GRID1: variants seen among roughly 807,000 people sequenced by gnomAD.
The protein encoded by GRID1 is glutamate ionotropic receptor delta type subunit 1.
A neutral mutation model predicts 98.0 loss-of-function variants in GRID1; 28 were observed. The observed-to-expected ratio is 0.29, with a 90% CI of 0.21 to 0.39. GRID1 has a LOEUF of 0.39. Among genes scored for constraint, GRID1 ranks in the 10% least tolerant of loss-of-function variants. GRID1 has a pLI of 1.00. For missense variants in GRID1, 1,111 were observed against 1,340.5 expected (o/e 0.83, Z 2.67); for synonymous variants, 553 against 538.5 (o/e 1.03, Z -0.37).
At chr10:85,983,034 T>C (rs1396226932) in intron 4 of GRID1, among the ~76,000 whole-genome samples, 2 of 152,198 alleles carry the variant, frequency 1.3e-5, no homozygotes, top group African/African-American at 4.8e-5. Context: ...AATTAGCCAA[T>C]TTGGGGCCCA....
In GRID1 at chr10:85,798,943, GT is replaced by G. The variant is rs1478538102; in HGVS notation, c.1233+55552del. On this transcript the variant is annotated intron_variant, in intron 8 of 15. Coordinates refer to ENST00000327946, the MANE Select transcript of GRID1 (RefSeq NM_017551.3). ...TTATTGCCTAGACCAATGTCATGAA[GT>G]GTTTCTCCCATATTTTTTTCTGGTA... 4.3e-3 allele frequency among the ~76,000 whole-genome samples: 654 copies of G among 152,068 alleles called. 6 individuals are homozygous for G. The highest frequency in any genetic ancestry group is 0.015 in the African/African-American group (613 of 41,502).
At chr10:85,750,493 T>C (rs1298587683) in intron 8 of GRID1, among the ~76,000 whole-genome samples, 4 of 152,210 alleles carry the variant, frequency 2.6e-5, no homozygotes, top group Non-Finnish European at 4.4e-5. Context: ...GAATAAGTAA[T>C]TAGCTAGCAA....
At chr10:86,264,366 G>C (rs1847070285) in intron 2 of GRID1, among the ~76,000 whole-genome samples, 1 of 152,162 alleles carries the variant, frequency 6.6e-6, no homozygotes, top group Non-Finnish European at 1.5e-5. Context: ...CCCTACATCT[G>C]TCTGCCCCTT....
intron 8 of GRID1, among the ~76,000 whole-genome samples, chr10:85,841,217 T>C (rs1303190121): frequency 6.6e-6 from 1 of 152,004 alleles, no homozygotes; most frequent in Non-Finnish European, 1.5e-5. Flanking sequence ...TCAACAAACC[T>C]GACAAAAACA....
intron 4 of GRID1, among the ~76,000 whole-genome samples, chr10:86,123,728 G>A (rs115389523): frequency 0.027 from 4,058 of 152,306 alleles, 202 homozygotes; most frequent in African/African-American, 0.092. Flanking sequence ...AAAGGGGCAC[G>A]TCCTCTCTCA....
intron 3 of GRID1, among the ~76,000 whole-genome samples, chr10:86,145,865 C>A (rs1309400373): frequency 6.6e-6 from 1 of 152,136 alleles, no homozygotes; most frequent in Non-Finnish European, 1.5e-5. Flanking sequence ...CGGGAACCTG[C>A]CTGAAGCCCG....
chr10:85,801,811 A>C (rs1287707003), intron 8 of GRID1, among the ~76,000 whole-genome samples: 2 of 151,942 alleles, frequency 1.3e-5, no homozygotes, highest in Non-Finnish European at 2.9e-5. Flanking sequence ...ATTATAGGGA[A>C]AAAAACCTAA....
Position 85,850,916 on chromosome 10 carries a change from C to T in GRID1, c.1233+3580G>A, listed in dbSNP as rs58256330. Among the ~76,000 whole-genome samples, 1,179 of 152,282 alleles carry T rather than the reference C, an allele frequency of 7.7e-3. 13 individuals carry two copies. Among genetic ancestry groups the T allele is most frequent in the African/African-American group, 0.027 (1,112 of 41,546 alleles). On this transcript the variant is annotated intron_variant, in intron 8 of 15. Coordinates refer to ENST00000327946, the MANE Select transcript of GRID1 (RefSeq NM_017551.3). ...AGGCCCAGGTCAATGAGACAACATA[C>T]GTACAATGCACTTTTGGATACTGTG...
At chr10:85,935,327 T>G (rs568542220) in intron 4 of GRID1, among the ~76,000 whole-genome samples, 1 of 152,256 alleles carries the variant, frequency 6.6e-6, no homozygotes, top group South Asian at 2.1e-4. Context: ...CTGAAGAAGG[T>G]AGAAAGCCTC....
intron 4 of GRID1, among the ~76,000 whole-genome samples, chr10:86,037,274 G>T (rs1015226586): frequency 6.6e-6 from 1 of 152,178 alleles, no homozygotes; most frequent in Non-Finnish European, 1.5e-5. Flanking sequence ...GTTACTTGAG[G>T]TGGTATGAAA....
intron 5 of GRID1, among the ~76,000 whole-genome samples, chr10:85,879,214 A>C (rs1293891417): frequency 2.6e-5 from 4 of 152,284 alleles, no homozygotes; most frequent in Admixed American, 6.5e-5. Context: ...CAGATCAACG[A>C]GACAGAAAGT....
chr10:85,798,186 A>C (rs1454772835), intron 8 of GRID1, among the ~76,000 whole-genome samples: 1 of 152,222 alleles, frequency 6.6e-6, no homozygotes, highest in Non-Finnish European at 1.5e-5. Context: ...AATCACAATA[A>C]ATATTATTGT....
chr10:86,097,868 A>G (rs1844243590), intron 4 of GRID1, among the ~76,000 whole-genome samples: 1 of 152,230 alleles, frequency 6.6e-6, no homozygotes, highest in Non-Finnish European at 1.5e-5. Flanking sequence ...GTTTTTCAAC[A>G]GAAGAAAAGC....
At chr10:86,185,183 T>C (rs1238510420) in intron 3 of GRID1, among the ~76,000 whole-genome samples, 1 of 152,140 alleles carries the variant, frequency 6.6e-6, no homozygotes, top group Non-Finnish European at 1.5e-5. Flanking sequence ...TAGTTTTCAG[T>C]GTACAGATCT....
intron 4 of GRID1, among the ~76,000 whole-genome samples, chr10:86,084,549 A>G (rs1564669984): frequency 6.6e-6 from 1 of 152,246 alleles, no homozygotes; most frequent in East Asian, 1.9e-4. Flanking sequence ...ACCCAAAATA[A>G]GTGAAAGCAG....
chr10:85,683,438 G>T (rs923482240), intron 12 of GRID1, among the ~76,000 whole-genome samples: 3 of 152,182 alleles, frequency 2.0e-5, no homozygotes, highest in Admixed American at 2.0e-4. Flanking sequence ...TACTGTTTTA[G>T]AGCTCTTAGA....
chr10:85,754,956 A>G (rs1026544874), intron 8 of GRID1, among the ~76,000 whole-genome samples: 2 of 152,094 alleles, frequency 1.3e-5, no homozygotes, highest in Non-Finnish European at 2.9e-5. Flanking sequence ...CATTGTTACA[A>G]TTTTTCTTAA....
At chr10:85,844,842 A>C (rs1470582145) in intron 8 of GRID1, among the ~76,000 whole-genome samples, 1 of 152,076 alleles carries the variant, frequency 6.6e-6, no homozygotes, top group African/African-American at 2.4e-5. Context: ...GCAAGAATAA[A>C]AATTATATAA....
intron 2 of GRID1, among the ~76,000 whole-genome samples, chr10:86,330,076 C>G (rs1848116212): frequency 6.6e-6 from 1 of 152,250 alleles, no homozygotes; most frequent in African/African-American, 2.4e-5. Context: ...ATCCCAGTAG[C>G]GTCAGGCATC....
Sources: allele counts gnomAD v4.1 joint callset (sites outside exome capture counted in the v4.1 genomes callset), GRCh38; gene constraint gnomAD v4.1.1; transcripts MANE v1.5; gene names NCBI Gene and HGNC (gene_info 2026-07-23, HGNC 2026-07-21).